The following TNFAIP8 variants were observed in gnomAD, a reference collection of about 807,000 sequenced individuals.
TNFAIP8 encodes tumor necrosis factor alpha-induced protein 8.
Under a neutral mutation model 13.3 loss-of-function variants are expected in TNFAIP8, and 7 were observed. The observed-to-expected ratio is 0.52, with a 90% confidence interval of 0.30 to 0.99. The LOEUF (loss-of-function observed/expected upper bound fraction) is 0.99. Among genes scored for constraint, TNFAIP8 ranks in the 50% least tolerant of loss-of-function variants. The pLI, the probability that TNFAIP8 is intolerant of heterozygous loss-of-function variation, is 0.07. For synonymous variants in TNFAIP8, 94 were observed against 87.6 expected (o/e 1.07, Z -0.41); for missense variants, 258 against 236.9 (o/e 1.09, Z -0.58).
At chr5:119,355,067 C>G, upstream of TNFAIP8, 1 of 452,380 alleles carries the variant, frequency 2.2e-6, no homozygotes. Flanking sequence ...AAAACCAAGG[C>G]TCCACAGAGC....
At chr5:119,298,882 C>G (rs1012069673) in intron 1 of TNFAIP8, among the ~76,000 whole-genome samples, 54 of 152,360 alleles carry the variant, frequency 3.5e-4, no homozygotes, top group African/African-American at 1.3e-3. Context: ...GATACCCTTT[C>G]TTCCAGTTGA....
At position 119,397,010 on chromosome 5, in the gene TNFAIP8, A is replaced by G. The variant is rs1184752324; in HGVS notation, c.*3629A>G. On this transcript the variant is annotated 3_prime_UTR_variant, in exon 2 of 2. Transcript: ENST00000504771. The stretch of plus-strand genomic sequence containing the variant: ...ACCCCGTCTCAAAAAAAAAAAAAAA[A>G]AAAAAAAGCATGAGTTAAGAACTTT... The G allele has an allele frequency of 6.6e-6, 1 of 151,734 alleles. No individual in the cohort carries two copies. The highest frequency in any genetic ancestry group is 2.4e-5 in the African/African-American group (1 of 41,280). 9.4% of individuals were successfully genotyped at this position (151,734 alleles called of 1,614,324 possible). A position where few individuals can be genotyped will look rare whatever the true frequency, so the allele number is the denominator to read the frequency against.
At chr5:119,342,887 T>C (rs1036576548) in intron 1 of TNFAIP8, among the ~76,000 whole-genome samples, 2 of 152,260 alleles carry the variant, frequency 1.3e-5, no homozygotes, top group Admixed American at 1.3e-4. Context: ...ATCGCCTGCA[T>C]GTCTTTAGCA....
Position 119,360,651 on chromosome 5 carries a change from A to C in TNFAIP8, c.31+4530A>C, listed in dbSNP as rs546657817. Reference sequence around the variant, plus strand: ...GCAAGGTGATTGCCAAGCCCTTTCTATCCTCTTTAATACATGTTCTGCAAG... The same window carrying C: ...GCAAGGTGATTGCCAAGCCCTTTCTCTCCTCTTTAATACATGTTCTGCAAG... On this transcript the variant is annotated intron_variant, in intron 1 of 1. Transcript: ENST00000504771. Among the ~76,000 whole-genome samples the C allele has an allele frequency of 3.3e-5, 5 of 152,284 alleles. No individual in the cohort carries two copies. The South Asian group carries it at 1.0e-3, about 32-fold the overall frequency.
rs1753134128 is a variant in TNFAIP8 at position 119,398,915 on chromosome 5, G to T, written c.*5534G>T. 1.3e-5 allele frequency: 2 copies of T among 152,174 alleles called. No homozygotes were observed. Among genetic ancestry groups the T allele is most frequent in the Admixed American group, 6.5e-5 (1 of 15,276 alleles). 9.4% of individuals were successfully genotyped at this position (152,174 alleles called of 1,614,324 possible). A position where few individuals can be genotyped will look rare whatever the true frequency, so the allele number is the denominator to read the frequency against. On this transcript the variant is annotated 3_prime_UTR_variant, in exon 2 of 2. Transcript: ENST00000504771. The stretch of plus-strand genomic sequence containing the variant: ...ACTTAGCCATTTAAATGATTTGTCA[G>T]CATCTTTTGCTGCTCTCTTCTAAGA...
At chr5:119,357,496 G>A (rs755313112) in intron 1 of TNFAIP8, among the ~76,000 whole-genome samples, 1 of 152,136 alleles carries the variant, frequency 6.6e-6, no homozygotes, top group South Asian at 2.1e-4. Context: ...TTAAGCTGGC[G>A]TTTTCTCTCA....
chr5:119,271,584 C>T (rs1351588014), intron 1 of TNFAIP8, among the ~76,000 whole-genome samples: 1 of 152,044 alleles, frequency 6.6e-6, no homozygotes, highest in East Asian at 1.9e-4. Flanking sequence ...AAATAAGGGC[C>T]ACCTGCTTTT....
intron 1 of TNFAIP8, among the ~76,000 whole-genome samples, chr5:119,357,391 C>T (rs576650116): frequency 6.6e-6 from 1 of 152,124 alleles, no homozygotes; most frequent in South Asian, 2.1e-4. Context: ...GTCTTTATAC[C>T]AGCAGTTTAT....
intron 1 of TNFAIP8, among the ~76,000 whole-genome samples, chr5:119,322,658 G>T (rs1750096625): frequency 6.6e-6 from 1 of 152,090 alleles, no homozygotes; most frequent in Admixed American, 6.5e-5. Context: ...CGTTTTCTCT[G>T]TGCCCCTCCT....
intron 1 of TNFAIP8, among the ~76,000 whole-genome samples, chr5:119,286,891 C>T (rs1000972027): frequency 2.0e-5 from 3 of 152,144 alleles, no homozygotes; most frequent in South Asian, 2.1e-4. Context: ...AATATTTGCT[C>T]GCTTGCCCCA....
intron 1 of TNFAIP8, among the ~76,000 whole-genome samples, chr5:119,317,484 T>C (rs1406943546): frequency 6.6e-6 from 1 of 151,640 alleles, no homozygotes. Flanking sequence ...CATTTTTTAA[T>C]TGTATCAAAA....
intron 1 of TNFAIP8, among the ~76,000 whole-genome samples, chr5:119,341,580 A>G (rs1331664611): frequency 1.3e-5 from 2 of 152,206 alleles, no homozygotes. Flanking sequence ...AGTTTCATTT[A>G]TATACTTGAT....
At chr5:119,333,253 C>T (rs901966476) in intron 1 of TNFAIP8, 25 of 1,052,280 alleles carry the variant, frequency 2.4e-5, no homozygotes, top group African/African-American at 3.3e-5. Context: ...GGAGCAAGTG[C>T]AGGCAGCAAC....
chr5:119,301,773 A>G (rs1212226200), intron 1 of TNFAIP8, among the ~76,000 whole-genome samples: 1 of 152,262 alleles, frequency 6.6e-6, no homozygotes, highest in South Asian at 2.1e-4. Context: ...ATTAAGGCAC[A>G]TATTTGTAGT....
intron 1 of TNFAIP8, among the ~76,000 whole-genome samples, chr5:119,378,218 G>C (rs1228140884): frequency 1.3e-5 from 2 of 152,230 alleles, no homozygotes; most frequent in Non-Finnish European, 2.9e-5. Context: ...GGATGCCTGG[G>C]CATGCGGAGA....
intron 1 of TNFAIP8, among the ~76,000 whole-genome samples, chr5:119,275,013 ATT>A (rs5870846): frequency 0.12 from 16,697 of 142,694 alleles, 985 homozygotes; most frequent in African/African-American, 0.16. Flanking sequence ...TTTTTTTTTA[ATT>A]TTTTTTTTTT....
At chr5:119,279,633 A>G (rs946702925) in intron 1 of TNFAIP8, among the ~76,000 whole-genome samples, 6 of 152,024 alleles carry the variant, frequency 3.9e-5, no homozygotes, top group African/African-American at 1.4e-4. Context: ...TGCAATGGCT[A>G]TTCACAGGCA....
chr5:119,359,687 A>G (rs1397368333), intron 1 of TNFAIP8, among the ~76,000 whole-genome samples: 1 of 152,222 alleles, frequency 6.6e-6, no homozygotes, highest in Non-Finnish European at 1.5e-5. Flanking sequence ...GTGGCAGCTT[A>G]TATAATATCA....
At chr5:119,289,868 G>A (rs997512262) in intron 1 of TNFAIP8, among the ~76,000 whole-genome samples, 2 of 152,200 alleles carry the variant, frequency 1.3e-5, no homozygotes, top group East Asian at 3.8e-4. Context: ...CAGGCTGCCA[G>A]CTGTTACTAC....
Sources: gnomAD v4.1 joint callset for allele counts (sites outside exome capture counted in the v4.1 genomes callset) on GRCh38, gnomAD v4.1.1 for gene constraint, MANE v1.5 for transcripts, NCBI Gene and HGNC (gene_info 2026-07-23, HGNC 2026-07-21) for gene names.